The following CNST variants were observed in gnomAD, a reference collection of about 807,000 sequenced individuals.
CNST encodes consortin, connexin sorting protein, also known as consortin.
In CNST, 39 loss-of-function variants were observed where a neutral mutation model predicts 72.4. The ratio of observed to expected loss-of-function variants is 0.54; its 90% CI spans 0.42 to 0.70. The LOEUF is 0.70. Ranked by LOEUF, CNST falls within the 30% of genes least tolerant of loss-of-function variation. The probability of loss-of-function intolerance (pLI) is 0.00; values close to 1 mark genes in which losing one functional copy is unlikely to be tolerated. For missense variants in CNST, 871 were observed against 868.5 expected (o/e 1.00, Z -0.04); for synonymous variants, 332 against 320.1 (o/e 1.04, Z -0.40).
chr1:246,616,192 G>A (rs1394827698), intron 2 of CNST, among the ~76,000 whole-genome samples: 1 of 152,184 alleles, frequency 6.6e-6, no homozygotes, highest in Non-Finnish European at 1.5e-5. Flanking sequence ...ACATGGGGCG[G>A]TATGTTTTGA....
chr1:246,590,221 G>A (rs1026458900), intron 1 of CNST, among the ~76,000 whole-genome samples: 3 of 152,144 alleles, frequency 2.0e-5, no homozygotes, highest in South Asian at 4.1e-4. Flanking sequence ...GTGATAGATC[G>A]AGCAAGCGTG....
At chr1:246,569,557 C>A (rs1659938037) in intron 1 of CNST, among the ~76,000 whole-genome samples, 1 of 152,136 alleles carries the variant, frequency 6.6e-6, no homozygotes, top group Non-Finnish European at 1.5e-5. Flanking sequence ...AGTTCTAAGT[C>A]TCTTCCTTTT....
chr1:246,660,398 G>A (rs1667030914), intron 10 of CNST, 64 bp downstream of exon 10: 1 of 1,532,702 alleles, frequency 6.5e-7, no homozygotes, highest in East Asian at 2.3e-5. Flanking sequence ...GGATGAGTTT[G>A]TGAATGATGT....
intron 5 of CNST, 132 bp from the exon 6 acceptor site, chr1:246,634,341 A>G (rs963099204): frequency 1.4e-5 from 8 of 586,224 alleles, no homozygotes; most frequent in Non-Finnish European, 2.4e-5. Context: ...GTTATTTCTA[A>G]CTGTTGGGTT....
chr1:246,585,232 C>A (rs1378109149), intron 1 of CNST, among the ~76,000 whole-genome samples: 1 of 152,170 alleles, frequency 6.6e-6, no homozygotes, highest in Non-Finnish European at 1.5e-5. Flanking sequence ...CTCAGCTTTT[C>A]CGGCTTCCAA....
rs189343397 is a variant in CNST, at chr1:246,593,631, C to G, written c.379+1690C>G. 4.6e-5 allele frequency among the ~76,000 whole-genome samples: 7 copies of G among 152,054 alleles called. 1 individual carries two copies. The highest frequency in any genetic ancestry group is 1.3e-4 in the Admixed American group (2 of 15,260). On this transcript the variant is annotated intron_variant, in intron 2 of 10. Transcript: ENST00000366513. ...TGCTGGGATTAAAGGCGTGAGCCAC[C>G]GTGCCCAGCAAAAGCATTTCTTAAA...
At chr1:246,638,693 G>A (rs1042823710) in intron 6 of CNST, among the ~76,000 whole-genome samples, 1 of 152,056 alleles carries the variant, frequency 6.6e-6, no homozygotes, top group Non-Finnish European at 1.5e-5. Flanking sequence ...CCAGCATGTC[G>A]GCATCCTTGA....
chr1:246,592,419 C>T (rs916978027), intron 2 of CNST, among the ~76,000 whole-genome samples: 11 of 151,980 alleles, frequency 7.2e-5, no homozygotes, highest in African/African-American at 2.2e-4. Flanking sequence ...ACCTGGGAGG[C>T]GGAGGTTGCA....
At chr1:246,582,471 C>G (rs1660858865) in intron 1 of CNST, among the ~76,000 whole-genome samples, 1 of 151,952 alleles carries the variant, frequency 6.6e-6, no homozygotes, top group Admixed American at 6.6e-5. Flanking sequence ...GCCTCAGCCT[C>G]CCTAGTAGCT....
intron 6 of CNST, among the ~76,000 whole-genome samples, chr1:246,638,519 G>A (rs1435583958): frequency 2.0e-5 from 3 of 152,176 alleles, no homozygotes; most frequent in Admixed American, 6.5e-5. Flanking sequence ...AAGTGTGAGT[G>A]CACTATGTGG....
chr1:246,599,464 C>T (rs796476167), intron 2 of CNST, among the ~76,000 whole-genome samples: 1 of 152,336 alleles, frequency 6.6e-6, no homozygotes, highest in African/African-American at 2.4e-5. Context: ...CTTCCTCCAT[C>T]TTCAAGGCCA....
At chr1:246,630,290 C>T (rs1054763587) in intron 3 of CNST, among the ~76,000 whole-genome samples, 1 of 152,138 alleles carries the variant, frequency 6.6e-6, no homozygotes, top group African/African-American at 2.4e-5. Flanking sequence ...ATTTTGTAAG[C>T]TAAAGAAATG....
At chr1:246,638,905 A>G (rs1240557542) in intron 6 of CNST, among the ~76,000 whole-genome samples, 2 of 152,322 alleles carry the variant, frequency 1.3e-5, no homozygotes, top group Middle Eastern at 3.4e-3. Context: ...GGGAGTTTCT[A>G]TGAATAGAGC....
At chr1:246,569,657 T>G (rs2102997219) in intron 1 of CNST, among the ~76,000 whole-genome samples, 1 of 152,294 alleles carries the variant, frequency 6.6e-6, no homozygotes, top group East Asian at 1.9e-4. Context: ...AGCCCTGAAC[T>G]CCTGGGATCA....
At chr1:246,646,317 A>T (rs1003116251) in intron 8 of CNST, among the ~76,000 whole-genome samples, 7 of 150,614 alleles carry the variant, frequency 4.6e-5, no homozygotes, top group Non-Finnish European at 1.0e-4. Flanking sequence ...TTGCAAACAC[A>T]TTTATTAGTG....
intron 2 of CNST, among the ~76,000 whole-genome samples, chr1:246,618,355 T>C (rs191107163): frequency 6.6e-6 from 1 of 152,320 alleles, no homozygotes; most frequent in Admixed American, 6.5e-5. Context: ...TTCCCAGTGC[T>C]CTCTGATTTT....
rs1228113807 is a variant in CNST, at chr1:246,634,536, T to A, written c.767T>A (p.Phe256Tyr). 1 of 1,609,042 alleles carries A rather than the reference T, an allele frequency of 6.2e-7. No individual in the cohort carries two copies. The highest frequency in any genetic ancestry group is 1.3e-5 in the African/African-American group (1 of 74,632). Residue 256 changes from phenylalanine (F) to tyrosine (Y), a missense_variant, in exon 6 of 11, where the codon TTT (phenylalanine) becomes TAT (tyrosine). By Grantham distance (22) the Phe-to-Tyr change is conservative. Coordinates refer to ENST00000366513, the MANE Select transcript of CNST (RefSeq NM_152609.3). ...GCTCTAAGGAATTCAGAAAAGGGAT[T>A]TAATGGTGAAGATTTTGAACGGCTT... Reference protein sequence around the residue: ...VTALRNSEKGFNGEDFERLTK... With the variant: ...VTALRNSEKGYNGEDFERLTK...
chr1:246,649,616 A>T (rs1200480388), intron 9 of CNST, among the ~76,000 whole-genome samples: 1 of 143,308 alleles, frequency 7.0e-6, no homozygotes, highest in Non-Finnish European at 1.5e-5. Context: ...ATAAACTGTG[A>T]AGAAGAAGCA....
chr1:246,616,164 G>T (rs1276758207), intron 2 of CNST, among the ~76,000 whole-genome samples: 1 of 152,194 alleles, frequency 6.6e-6, no homozygotes, highest in Non-Finnish European at 1.5e-5. Flanking sequence ...TATATTGAGT[G>T]AGATTTTGTA....
Sources: gnomAD v4.1 joint callset for allele counts (sites outside exome capture counted in the v4.1 genomes callset) on GRCh38, gnomAD v4.1.1 for gene constraint, MANE v1.5 for transcripts, NCBI Gene and HGNC (gene_info 2026-07-23, HGNC 2026-07-21) for gene names.